Variants in IGF2BP3 observed in about 807,000 individuals in gnomAD.
The protein encoded by IGF2BP3 is insulin-like growth factor 2 mRNA-binding protein 3.
IGF2BP3 carries 9 observed loss-of-function variants against 73.8 expected under a neutral mutation model. That is an observed-to-expected ratio of 0.12 (90% CI 0.07 to 0.21). The LOEUF (loss-of-function observed/expected upper bound fraction) is 0.21, where lower values mean the gene tolerates loss of function less well. Among genes scored for constraint, IGF2BP3 ranks in the 10% least tolerant of loss-of-function variants. The probability of loss-of-function intolerance (pLI) is 1.00; values close to 1 mark genes in which losing one functional copy is unlikely to be tolerated. For synonymous variants in IGF2BP3, 258 were observed against 256.7 expected, an observed-to-expected ratio of 1.01 and a Z score of -0.05; for missense variants, 542 against 714.0, an observed-to-expected ratio of 0.76 and a Z score of 2.75.
chr7:23,338,290 T>C (rs750369506), intron 10 of IGF2BP3, among the ~76,000 whole-genome samples: 1 of 152,148 alleles, frequency 6.6e-6, no homozygotes, highest in African/African-American at 2.4e-5. Context: ...TCCCTTGCAA[T>C]TGGTACTGAT....
chr7:23,339,004 C>T (rs1784642815), intron 10 of IGF2BP3, among the ~76,000 whole-genome samples: 1 of 152,200 alleles, frequency 6.6e-6, no homozygotes, highest in Non-Finnish European at 1.5e-5. Flanking sequence ...TAAGACTGTC[C>T]ATGTTGTTGT....
chr7:23,406,806 G>C lies in IGF2BP3; in HGVS notation c.285+11970C>G, dbSNP rs564225824. 2.6e-5 allele frequency among the ~76,000 whole-genome samples: 4 copies of C among 152,230 alleles called. No homozygotes were observed. The South Asian group carries it at 8.3e-4, about 32-fold the overall frequency. On this transcript the variant is annotated intron_variant, in intron 3 of 14. Transcript: ENST00000258729. ...TTAGCTAGACACAGAGCACTGATTG[G>C]TGCGTTTTTATAGAGTGCTGATTGG...
chr7:23,458,073 A>T (rs1473202970), intron 2 of IGF2BP3, among the ~76,000 whole-genome samples: 3 of 152,202 alleles, frequency 2.0e-5, no homozygotes, highest in African/African-American at 7.2e-5. Context: ...AGAAAAATAC[A>T]ACGGCTTCCA....
At chr7:23,395,830 G>A (rs1447369358) in intron 3 of IGF2BP3, among the ~76,000 whole-genome samples, 1 of 151,940 alleles carries the variant, frequency 6.6e-6, no homozygotes, top group African/African-American at 2.4e-5. Flanking sequence ...GGAGGCTGAG[G>A]CAGGAGAACT....
At chr7:23,370,843 A>C (rs1229254481) in intron 3 of IGF2BP3, among the ~76,000 whole-genome samples, 2 of 151,738 alleles carry the variant, frequency 1.3e-5, no homozygotes, top group Non-Finnish European at 2.9e-5. Flanking sequence ...ACGCCCAGCT[A>C]ATTTTTTGTA....
intron 2 of IGF2BP3, among the ~76,000 whole-genome samples, chr7:23,435,151 G>A (rs1230873931): frequency 2.0e-5 from 3 of 151,734 alleles, no homozygotes; most frequent in African/African-American, 7.3e-5. Flanking sequence ...AAATTAGCCA[G>A]GTGTGGTGGC....
At chr7:23,393,821 T>C (rs1786362640) in intron 3 of IGF2BP3, among the ~76,000 whole-genome samples, 1 of 152,132 alleles carries the variant, frequency 6.6e-6, no homozygotes, top group African/African-American at 2.4e-5. Flanking sequence ...CGGCCTAATC[T>C]AGGATCAGTG....
intron 3 of IGF2BP3, among the ~76,000 whole-genome samples, chr7:23,363,595 T>C (rs569056731): frequency 6.6e-6 from 1 of 152,354 alleles, no homozygotes; most frequent in South Asian, 2.1e-4. Context: ...GAAATGCCCT[T>C]TATTTTTATT....
intron 10 of IGF2BP3, among the ~76,000 whole-genome samples, chr7:23,320,443 G>A (rs895191061): frequency 4.6e-5 from 7 of 151,964 alleles, no homozygotes; most frequent in African/African-American, 1.7e-4. Flanking sequence ...CAAGGTTCAA[G>A]GTTCAGTAAT....
chr7:23,348,834 G>A (rs541649963), intron 6 of IGF2BP3, among the ~76,000 whole-genome samples: 55 of 152,250 alleles, frequency 3.6e-4, no homozygotes, highest in African/African-American at 1.3e-3. Context: ...TAGAAAATTA[G>A]AATTATCTAA....
chr7:23,321,131 G>A (rs547771095), intron 10 of IGF2BP3, among the ~76,000 whole-genome samples: 19 of 152,272 alleles, frequency 1.2e-4, no homozygotes, highest in South Asian at 6.2e-4. Flanking sequence ...TGCAGAAGAC[G>A]GGTGATTTCT....
At chr7:23,385,263 A>G (rs1786045676) in intron 3 of IGF2BP3, among the ~76,000 whole-genome samples, 1 of 152,196 alleles carries the variant, frequency 6.6e-6, no homozygotes, top group South Asian at 2.1e-4. Context: ...ACTACCATCT[A>G]TGAAGTATTC....
chr7:23,357,860 A>G (rs778936222), intron 5 of IGF2BP3, among the ~76,000 whole-genome samples: 1 of 151,998 alleles, frequency 6.6e-6, no homozygotes, highest in Non-Finnish European at 1.5e-5. Flanking sequence ...GTATTTGAGG[A>G]CTCTTCTTAA....
chr7:23,329,036 C>T (rs189646757), intron 10 of IGF2BP3, among the ~76,000 whole-genome samples: 35 of 152,066 alleles, frequency 2.3e-4, no homozygotes, highest in Non-Finnish European at 4.7e-4. Context: ...CGTGAAACCC[C>T]GTCTCTGCTA....
At chr7:23,435,501 T>C (rs1787788085) in intron 2 of IGF2BP3, among the ~76,000 whole-genome samples, 1 of 151,452 alleles carries the variant, frequency 6.6e-6, no homozygotes, top group Admixed American at 6.6e-5. Context: ...TCGCCCAGGC[T>C]GGAGTGCAGG....
At chr7:23,459,334 G>T (rs1225073766) in intron 2 of IGF2BP3, among the ~76,000 whole-genome samples, 2 of 152,232 alleles carry the variant, frequency 1.3e-5, no homozygotes, top group East Asian at 3.9e-4. Context: ...AAAAATGAGG[G>T]AATTTAGCTC....
In IGF2BP3 at chr7:23,342,070, C is replaced by T. The variant is rs746989641; in HGVS notation, c.1197G>A (p.Gln399=). ...CCAAGGCCAGTTATCTTACCTCAAA[C>T]TGCGGGTAGGGAGGAGTCATGGCTG... The part of the protein sequence containing the change: ...PPSAMTPPYP[Q]FEQSETETVH... Residue 399 remains glutamine, a synonymous_variant, in exon 10 of 15, where the codon CAG becomes CAA. Coordinates refer to ENST00000258729, the MANE Select transcript of IGF2BP3 (RefSeq NM_006547.3). 1.0e-5 allele frequency: 16 copies of T among 1,573,516 alleles called. No homozygotes were observed. The highest frequency in any genetic ancestry group is 2.3e-5 in the East Asian group (1 of 44,380).
At chr7:23,372,335 A>G (rs1366848433) in intron 3 of IGF2BP3, among the ~76,000 whole-genome samples, 1 of 152,110 alleles carries the variant, frequency 6.6e-6, no homozygotes, top group Admixed American at 6.5e-5. Flanking sequence ...GGCCTCCCAA[A>G]GTGCTGGGAT....
chr7:23,431,842 T>G (rs958678582), intron 2 of IGF2BP3, among the ~76,000 whole-genome samples: 3 of 148,956 alleles, frequency 2.0e-5, no homozygotes, highest in Non-Finnish European at 1.5e-5. Flanking sequence ...CACACACACA[T>G]TCTCTCTCTC....
Sources: allele counts gnomAD v4.1 joint callset (sites outside exome capture counted in the v4.1 genomes callset), GRCh38; gene constraint gnomAD v4.1.1; transcripts MANE v1.5; gene names NCBI Gene and HGNC (gene_info 2026-07-23, HGNC 2026-07-21).